The following FARS2 variants were observed in gnomAD, a reference collection of about 807,000 sequenced individuals.
The protein encoded by FARS2 is phenylalanyl-tRNA synthetase 2, mitochondrial.
FARS2 carries 40 observed loss-of-function variants against 46.4 expected under a neutral mutation model. The ratio of observed to expected loss-of-function variants is 0.86; its 90% CI spans 0.67 to 1.12. The LOEUF (loss-of-function observed/expected upper bound fraction) is 1.12, where lower values mean the gene tolerates loss of function less well. FARS2 is among the 50% of genes most tolerant of loss of function. The probability of loss-of-function intolerance (pLI) is 0.00; values close to 1 mark genes in which losing one functional copy is unlikely to be tolerated. For missense variants in FARS2, 513 were observed against 567.9 expected (o/e 0.90, Z 0.98); for synonymous variants, 234 against 214.9 (o/e 1.09, Z -0.78).
intron 1 of FARS2, among the ~76,000 whole-genome samples, chr6:5,352,491 C>T (rs909290856): frequency 6.6e-6 from 1 of 151,850 alleles, no homozygotes; most frequent in African/African-American, 2.4e-5. Flanking sequence ...GTGGGTGGGT[C>T]AGTAGAGAGC....
intron 1 of FARS2, among the ~76,000 whole-genome samples, chr6:5,320,137 A>G (rs753430627): frequency 2.0e-5 from 3 of 152,228 alleles, no homozygotes; most frequent in Non-Finnish European, 4.4e-5. Flanking sequence ...AGAAGAGTCC[A>G]TGGGTTTCCA....
chr6:5,702,279 A>T (rs1758490767), intron 6 of FARS2, among the ~76,000 whole-genome samples: 1 of 152,222 alleles, frequency 6.6e-6, no homozygotes, highest in South Asian at 2.1e-4. Flanking sequence ...GTGCTTTTTA[A>T]CTAGGATACC....
At chr6:5,676,438 T>C (rs1307804928) in intron 6 of FARS2, among the ~76,000 whole-genome samples, 1 of 152,222 alleles carries the variant, frequency 6.6e-6, no homozygotes, top group African/African-American at 2.4e-5. Flanking sequence ...ACTAACGATA[T>C]ATTTTATTGC....
intron 5 of FARS2, among the ~76,000 whole-genome samples, chr6:5,562,541 A>C (rs967400944): frequency 6.6e-6 from 1 of 152,166 alleles, no homozygotes; most frequent in Non-Finnish European, 1.5e-5. Context: ...GTTCATCAGA[A>C]AGCAAGTTAT....
intron 4 of FARS2, among the ~76,000 whole-genome samples, chr6:5,440,871 T>C (rs1010799036): frequency 7.9e-5 from 12 of 152,038 alleles, no homozygotes; most frequent in African/African-American, 2.9e-4. Context: ...TGGTCACTAG[T>C]GTCACTGAAC....
At chr6:5,287,424 C>T (rs1212840513) in intron 1 of FARS2, among the ~76,000 whole-genome samples, 2 of 152,142 alleles carry the variant, frequency 1.3e-5, no homozygotes, top group African/African-American at 2.4e-5. Flanking sequence ...CCTTCCCGGC[C>T]GCACTGTTTC....
At chr6:5,700,574 T>G (rs187335141) in intron 6 of FARS2, among the ~76,000 whole-genome samples, 188 of 152,216 alleles carry the variant, frequency 1.2e-3, no homozygotes, top group Non-Finnish European at 2.0e-3. Context: ...ATTTTTGTAT[T>G]TTTAGTAGAG....
chr6:5,643,375 TG>T (rs1459018855), intron 6 of FARS2, among the ~76,000 whole-genome samples: 1 of 152,144 alleles, frequency 6.6e-6, no homozygotes, highest in African/African-American at 2.4e-5. Flanking sequence ...AAACAAGATG[TG>T]GGCTCAGAAG....
intron 4 of FARS2, among the ~76,000 whole-genome samples, chr6:5,486,957 A>AT (rs917463903): frequency 1.2e-4 from 18 of 152,316 alleles, no homozygotes; most frequent in Admixed American, 1.1e-3. Context: ...CATTCATCAG[A>AT]TTTTTTGTGC....
At chr6:5,646,454 C>T (rs1315724552) in intron 6 of FARS2, among the ~76,000 whole-genome samples, 1 of 152,128 alleles carries the variant, frequency 6.6e-6, no homozygotes, top group Non-Finnish European at 1.5e-5. Flanking sequence ...TCCAGCATTG[C>T]CGGTCTGTGG....
At chr6:5,616,815 G>A (rs1387827379) in intron 6 of FARS2, among the ~76,000 whole-genome samples, 7 of 152,008 alleles carry the variant, frequency 4.6e-5, no homozygotes, top group Admixed American at 1.3e-4. Flanking sequence ...TGATATGGCC[G>A]TAGCTTCACC....
chr6:5,762,247 AT>A (rs1190058577), intron 6 of FARS2, among the ~76,000 whole-genome samples: 1 of 152,042 alleles, frequency 6.6e-6, no homozygotes, highest in South Asian at 2.1e-4. Context: ...TTACCTATAC[AT>A]TTTTTTCATT....
intron 6 of FARS2, among the ~76,000 whole-genome samples, chr6:5,691,676 T>G (rs1022854234): frequency 1.3e-5 from 2 of 152,210 alleles, no homozygotes; most frequent in Non-Finnish European, 2.9e-5. Flanking sequence ...TTCTCAGATC[T>G]CCAGCTGCGT....
At chr6:5,689,630 A>G (rs909130108) in intron 6 of FARS2, among the ~76,000 whole-genome samples, 9 of 152,134 alleles carry the variant, frequency 5.9e-5, no homozygotes, top group Admixed American at 1.3e-4. Context: ...TATGTGGTCA[A>G]TTTTGGAATA....
At chr6:5,722,547 C>T (rs1317761802) in intron 6 of FARS2, among the ~76,000 whole-genome samples, 1 of 152,150 alleles carries the variant, frequency 6.6e-6, no homozygotes, top group African/African-American at 2.4e-5. Flanking sequence ...GATAGCCAGC[C>T]CAGGCTTGAT....
chr6:5,427,377 C>T (rs1186770331), intron 3 of FARS2, among the ~76,000 whole-genome samples: 1 of 152,156 alleles, frequency 6.6e-6, no homozygotes, highest in Non-Finnish European at 1.5e-5. Context: ...ACTTCAAAAG[C>T]ACAGATTTTG....
At chr6:5,259,734 T>C (rs566644005), upstream of FARS2, among the ~76,000 whole-genome samples, 3 of 152,164 alleles carry the variant, frequency 2.0e-5, no homozygotes, top group Non-Finnish European at 1.5e-5. Context: ...AGAGATGAGT[T>C]GATCCAACCA....
At chr6:5,740,582 C>T (rs1216170813) in intron 6 of FARS2, among the ~76,000 whole-genome samples, 1 of 151,844 alleles carries the variant, frequency 6.6e-6, no homozygotes, top group Non-Finnish European at 1.5e-5. Context: ...CCAGGCTTGT[C>T]GTGGAGCCAC....
intron 6 of FARS2, among the ~76,000 whole-genome samples, chr6:5,672,301 T>C (rs967118498): frequency 1.3e-5 from 2 of 152,184 alleles, no homozygotes; most frequent in African/African-American, 4.8e-5. Flanking sequence ...CACCTCAGCC[T>C]CACTATCCCC....
Sources: gnomAD v4.1 joint callset for allele counts (sites outside exome capture counted in the v4.1 genomes callset) on GRCh38, gnomAD v4.1.1 for gene constraint, MANE v1.5 for transcripts, NCBI Gene and HGNC (gene_info 2026-07-23, HGNC 2026-07-21) for gene names.